The following KDM4C variants were observed in gnomAD, a reference collection of about 807,000 sequenced individuals.
The protein encoded by KDM4C is lysine demethylase 4C.
KDM4C carries 81 observed loss-of-function variants against 129.3 expected under a neutral mutation model. The observed-to-expected ratio is 0.63, with a 90% CI of 0.52 to 0.75. The LOEUF (loss-of-function observed/expected upper bound fraction) is 0.75. Among genes scored for constraint, KDM4C ranks in the 30% least tolerant of loss-of-function variants. The pLI is 0.00. For missense variants in KDM4C, 1,457 were observed against 1,304.0 expected, an observed-to-expected ratio of 1.12 and a Z score of -1.81; for synonymous variants, 573 against 456.1, an observed-to-expected ratio of 1.26 and a Z score of -3.26.
chr9:6,793,127 G>T lies in KDM4C; in HGVS notation c.139G>T (p.Ala47Ser), dbSNP rs771029847. 4.3e-6 allele frequency: 7 copies of T among 1,613,236 alleles called. No homozygotes were observed. In the African/African-American group the frequency reaches 5.3e-5, roughly 12 times the overall value. The change falls in exon 2 of 22, where the codon GCA becomes TCA. Residue 47 changes from alanine to serine, a missense_variant. Physicochemically the swap from Ala to Ser is moderately conservative, Grantham distance 99. Coordinates refer to ENST00000381309, the MANE Select transcript of KDM4C (RefSeq NM_015061.6). ...TAAAGGAGCCCATCGTGCGGGTCTTGCAAAGGTGATTATCCTTCGATGCTT... is the reference window on the plus strand; with the variant it reads ...TAAAGGAGCCCATCGTGCGGGTCTTTCAAAGGTGATTATCCTTCGATGCTT... ...ESKGAHRAGL[A>S]KVIPPKEWKP...
chr9:6,835,332 C>T lies in KDM4C; in HGVS notation c.436-14175C>T, dbSNP rs535096359. On this transcript the variant is annotated intron_variant, in intron 4 of 21. Transcript: ENST00000381309. The stretch of plus-strand genomic sequence containing the variant: ...ATGTGGACATCCACAAAGACCTTTA[C>T]GCCAACACATTGCTGTCTGGCGGCA... 34 of 971,702 alleles carry T rather than the reference C, an allele frequency of 3.5e-5. No homozygotes were observed. In the East Asian group the frequency reaches 4.1e-4, roughly 12 times the overall value. 60.2% of individuals were successfully genotyped at this position (971,702 alleles called of 1,614,324 possible). A position where few individuals can be genotyped will look rare whatever the true frequency, so the allele number is the denominator to read the frequency against.
intron 8 of KDM4C, among the ~76,000 whole-genome samples, chr9:6,903,838 T>C (rs1260207566): frequency 6.6e-6 from 1 of 152,228 alleles, no homozygotes; most frequent in African/African-American, 2.4e-5. Context: ...TCATTGTATA[T>C]CTCTTAAAAT....
rs2132763560 is a variant in KDM4C at position 7,067,706 on chromosome 9, A to T, written c.2424+18506A>T. On this transcript the variant is annotated intron_variant, in intron 17 of 21. Transcript: ENST00000381309. Reference sequence around the variant, plus strand: ...TGCTTATCTTCAAAATATTTTTAAAAACCGAAGTGTATAAAATCCAAAATG... The same window carrying T: ...TGCTTATCTTCAAAATATTTTTAAATACCGAAGTGTATAAAATCCAAAATG... Among the ~76,000 whole-genome samples the T allele has an allele frequency of 1.3e-5, 2 of 152,342 alleles. 1 individual carries two copies. Among genetic ancestry groups the T allele is most frequent in the South Asian group, 4.1e-4 (2 of 4,828 alleles).
chr9:6,796,029 G>C (rs113641450), intron 2 of KDM4C, among the ~76,000 whole-genome samples: 1 of 152,108 alleles, frequency 6.6e-6, no homozygotes, highest in Admixed American at 6.6e-5. Context: ...ATTAATTAGG[G>C]GTGGGTGAGA....
At chr9:7,125,422 A>G (rs1453203900) in intron 18 of KDM4C, among the ~76,000 whole-genome samples, 2 of 152,226 alleles carry the variant, frequency 1.3e-5, no homozygotes, top group East Asian at 1.9e-4. Flanking sequence ...TCCAGGAAAC[A>G]GTAATATAGC....
intron 8 of KDM4C, among the ~76,000 whole-genome samples, chr9:6,928,693 G>A (rs1053283487): frequency 6.6e-6 from 1 of 151,386 alleles, no homozygotes; most frequent in Non-Finnish European, 1.5e-5. Context: ...ATTTTTTATC[G>A]CCTATGATTA....
intron 4 of KDM4C, among the ~76,000 whole-genome samples, chr9:6,838,124 A>C: frequency 6.6e-6 from 1 of 152,022 alleles, no homozygotes; most frequent in East Asian, 1.9e-4. Flanking sequence ...CTAGGAGTTC[A>C]CCTCTCCTTC....
At chr9:6,750,464 A>G (rs1279041179) in intron 1 of KDM4C, among the ~76,000 whole-genome samples, 1 of 151,628 alleles carries the variant, frequency 6.6e-6, no homozygotes, top group African/African-American at 2.4e-5. Flanking sequence ...GCTCTTCACG[A>G]GGCAAAAGCA....
At chr9:7,163,372 AC>A (rs1375115040) in intron 19 of KDM4C, among the ~76,000 whole-genome samples, 1 of 152,176 alleles carries the variant, frequency 6.6e-6, no homozygotes, top group Non-Finnish European at 1.5e-5. Context: ...ACTGCAGAGC[AC>A]CATGGCACAT....
intron 7 of KDM4C, among the ~76,000 whole-genome samples, chr9:6,889,211 T>TTTTTTGTG (rs766335055): frequency 1.6e-5 from 1 of 61,550 alleles, no homozygotes; most frequent in African/African-American, 6.7e-5. Flanking sequence ...GGCCTTCTTT[T>TTTTTTGTG]TGTGTGTGTG....
chr9:6,798,901 A>G (rs946712865), intron 2 of KDM4C, among the ~76,000 whole-genome samples: 3 of 151,260 alleles, frequency 2.0e-5, no homozygotes. Flanking sequence ...GGCCGGGCAG[A>G]GACGTTCCTC....
chr9:7,031,715 C>CT (rs996683179), intron 15 of KDM4C, among the ~76,000 whole-genome samples: 23 of 151,970 alleles, frequency 1.5e-4, no homozygotes, highest in Non-Finnish European at 7.4e-5. Flanking sequence ...TAAAATATTG[C>CT]TTGGTTATAA....
intron 1 of KDM4C, among the ~76,000 whole-genome samples, chr9:6,762,364 G>C (rs142066100): frequency 1.3e-5 from 2 of 151,418 alleles, no homozygotes; most frequent in African/African-American, 4.9e-5. Context: ...TAGAGATGGG[G>C]TCTCAGTGTG....
chr9:6,815,463 C>T (rs917753962), intron 4 of KDM4C, among the ~76,000 whole-genome samples: 7 of 152,110 alleles, frequency 4.6e-5, no homozygotes, highest in Admixed American at 6.6e-5. Flanking sequence ...GATCTAACTG[C>T]CTCGGCCTCC....
chr9:6,760,070 A>G (rs1205098437), intron 1 of KDM4C, among the ~76,000 whole-genome samples: 1 of 152,072 alleles, frequency 6.6e-6, no homozygotes, highest in Non-Finnish European at 1.5e-5. Flanking sequence ...CCCCAAAAGA[A>G]GCTCTGTTCC....
intron 8 of KDM4C, among the ~76,000 whole-genome samples, chr9:6,941,387 A>C (rs1174064287): frequency 6.6e-6 from 1 of 152,050 alleles, no homozygotes; most frequent in Non-Finnish European, 1.5e-5. Flanking sequence ...CTTTTCTTGT[A>C]AATTTGTTTC....
intron 8 of KDM4C, among the ~76,000 whole-genome samples, chr9:6,967,335 G>C (rs944531490): frequency 2.7e-5 from 4 of 150,456 alleles, no homozygotes; most frequent in African/African-American, 9.8e-5. Context: ...GAAGCAGGAA[G>C]ATCACTTGAG....
At chr9:6,883,933 A>G (rs1461284444) in intron 6 of KDM4C, among the ~76,000 whole-genome samples, 4 of 152,250 alleles carry the variant, frequency 2.6e-5, no homozygotes, top group Non-Finnish European at 5.9e-5. Context: ...AAAAAACCCC[A>G]TGCGTGTAAT....
At chr9:6,808,690 T>TAAA (rs908471656) in intron 3 of KDM4C, among the ~76,000 whole-genome samples, 13 of 63,694 alleles carry the variant, frequency 2.0e-4, no homozygotes, top group South Asian at 4.7e-4. Context: ...GAATTATCAA[T>TAAA]AAAAAAAAAA....
Sources: gnomAD v4.1 joint callset for allele counts (sites outside exome capture counted in the v4.1 genomes callset) on GRCh38, gnomAD v4.1.1 for gene constraint, MANE v1.5 for transcripts, NCBI Gene and HGNC (gene_info 2026-07-23, HGNC 2026-07-21) for gene names.